SMYD1: variants seen among roughly 807,000 people sequenced by gnomAD.
The protein encoded by SMYD1 is SET and MYND domain containing 1.
SMYD1 carries 49 observed loss-of-function variants against 54.0 expected under a neutral mutation model. That is an observed-to-expected ratio of 0.91 (90% CI 0.72 to 1.15). SMYD1 has a LOEUF of 1.15. Ranked by LOEUF, SMYD1 falls within the 50% of genes most tolerant of loss-of-function variation. SMYD1 has a pLI of 0.00. For missense variants in SMYD1, 653 were observed against 639.6 expected (o/e 1.02, Z -0.23); for synonymous variants, 269 against 234.2 (o/e 1.15, Z -1.36).
At chr2:88,103,969 C>A (rs905022051) in intron 7 of SMYD1, among the ~76,000 whole-genome samples, 10 of 142,280 alleles carry the variant, frequency 7.0e-5, no homozygotes, top group Non-Finnish European at 1.5e-4. Context: ...ATTTCTATTT[C>A]TTTTTTTTTT....
At chr2:88,100,634 T>C (rs538794508) in intron 6 of SMYD1, among the ~76,000 whole-genome samples, 2 of 152,136 alleles carry the variant, frequency 1.3e-5, no homozygotes, top group Non-Finnish European at 2.9e-5. Flanking sequence ...GACATGGGCT[T>C]AATTCCAATA....
At chr2:88,086,695 A>C (rs1002432114) in intron 2 of SMYD1, among the ~76,000 whole-genome samples, 23 of 152,180 alleles carry the variant, frequency 1.5e-4, no homozygotes, top group Non-Finnish European at 3.2e-4. Context: ...TAAGAATACC[A>C]ATACTTATGA....
At chr2:88,103,234 C>G in intron 7 of SMYD1, 84 bp downstream of exon 7, 128 of 727,920 alleles carry the variant, frequency 1.8e-4, no homozygotes, top group South Asian at 2.3e-4. Context: ...GGCGTGAGAA[C>G]GGGCGGCGGG....
At chr2:88,075,501 A>C (rs1179569548) in intron 1 of SMYD1, among the ~76,000 whole-genome samples, 1 of 151,664 alleles carries the variant, frequency 6.6e-6, no homozygotes, top group Non-Finnish European at 1.5e-5. Context: ...GACAATCTCC[A>C]GGCTTGATCC....
At chr2:88,106,590 C>T (rs1260360342) in intron 8 of SMYD1, 102 bp downstream of exon 8, 3 of 1,230,980 alleles carry the variant, frequency 2.4e-6, no homozygotes, top group Non-Finnish European at 3.4e-6. Flanking sequence ...CTCCTATACC[C>T]ACAGCAGGCG....
intron 6 of SMYD1, 108 bp from the exon 7 acceptor site, chr2:88,102,950 A>G: frequency 1.3e-6 from 1 of 784,738 alleles, no homozygotes; most frequent in South Asian, 1.6e-5. Context: ...CAGAATGAGG[A>G]AGACATTAAC....
At chr2:88,107,046 A>C (rs143715422) in intron 8 of SMYD1, among the ~76,000 whole-genome samples, 2,575 of 151,284 alleles carry the variant, frequency 0.017, 40 homozygotes, top group Middle Eastern at 0.034. Context: ...TAAAAAATAC[A>C]AAAAATTAGT....
chr2:88,106,580 C>G lies in SMYD1; in HGVS notation c.1145+92C>G, dbSNP rs1449383891. 12 of 1,351,254 alleles carry G rather than the reference C, an allele frequency of 8.9e-6. No individual in the cohort carries two copies. In the South Asian group the frequency reaches 1.6e-4, roughly 18 times the overall value. 83.7% of individuals were successfully genotyped at this position (1,351,254 alleles called of 1,614,324 possible). A position where few individuals can be genotyped will look rare whatever the true frequency, so the allele number is the denominator to read the frequency against. ...ATGGCACATTTACTGGTGCCTCTCCCTCCTATACCCACAGCAGGCGTCAGT... is the reference window on the plus strand; with the variant it reads ...ATGGCACATTTACTGGTGCCTCTCCGTCCTATACCCACAGCAGGCGTCAGT... On this transcript the variant is annotated intron_variant, in intron 8 of 9. Transcript: ENST00000419482.
intron 2 of SMYD1, among the ~76,000 whole-genome samples, chr2:88,085,046 G>C (rs767727213): frequency 6.6e-6 from 1 of 151,930 alleles, no homozygotes; most frequent in Non-Finnish European, 1.5e-5. Flanking sequence ...CACCATGCCC[G>C]GACAAGGGGC....
In SMYD1 at chr2:88,106,374, C is replaced by T; in HGVS notation, c.1031C>T (p.Ala344Val). ...CTGGAGAAGCAGGAGCCAGTGTTTG[C>T]TGACACCAACATCTACATGCTGCGG... ...ECLEKQEPVFADTNIYMLRML... is the reference protein window; with the variant it reads ...ECLEKQEPVFVDTNIYMLRML... The change falls in exon 8 of 10, where the codon GCT becomes GTT. Residue 344 changes from alanine (A) to valine (V), a missense_variant. By Grantham distance (64) the Ala-to-Val change is moderately conservative (BLOSUM62 0). Transcript: ENST00000419482. 2 of 1,614,188 alleles carry T rather than the reference C, an allele frequency of 1.2e-6. No individual in the cohort carries two copies. Among genetic ancestry groups the T allele is most frequent in the Non-Finnish European group, 8.5e-7 (1 of 1,180,030 alleles).
chr2:88,100,473 A>C (rs567259448), intron 6 of SMYD1, among the ~76,000 whole-genome samples: 5 of 152,218 alleles, frequency 3.3e-5, no homozygotes, highest in Non-Finnish European at 7.3e-5. Context: ...TAGAATTTAC[A>C]GTAGATTAGA....
chr2:88,070,792 A>G (rs1020344014), intron 1 of SMYD1, among the ~76,000 whole-genome samples: 1 of 151,914 alleles, frequency 6.6e-6, no homozygotes, highest in Non-Finnish European at 1.5e-5. Context: ...AAAATACGAA[A>G]ATTAGCCAGG....
intron 8 of SMYD1, 111 bp downstream of exon 8, chr2:88,106,599 C>T (rs997374260): frequency 3.8e-5 from 42 of 1,102,362 alleles, no homozygotes; most frequent in South Asian, 4.7e-5. Context: ...CCACAGCAGG[C>T]GTCAGTAATC....
rs111800051 is a variant in SMYD1 at position 88,103,969 on chromosome 2, C to CT, written c.981+834dup. Among the ~76,000 whole-genome samples the CT allele has an allele frequency of 5.4e-3, 768 of 142,246 alleles. 4 individuals carry two copies. Among genetic ancestry groups the CT allele is most frequent in the African/African-American group, 9.0e-3 (349 of 38,950 alleles). 93.3% of individuals were successfully genotyped at this position (142,246 alleles called of 152,430 possible). A position where few individuals can be genotyped will look rare whatever the true frequency, so the allele number is the denominator to read the frequency against. On this transcript the variant is annotated intron_variant, in intron 7 of 9. Coordinates refer to ENST00000419482, the MANE Select transcript of SMYD1 (RefSeq NM_198274.4). Reference sequence around the variant, plus strand: ...TTTCTATTCATTTCTATTTCTATTTCTTTTTTTTTTTTTTTGAGATGGAGT... The same window carrying CT: ...TTTCTATTCATTTCTATTTCTATTTCTTTTTTTTTTTTTTTTGAGATGGAGT...
chr2:88,106,295 G>T, intron 7 of SMYD1, 30 bp from the exon 8 acceptor site: 1 of 1,611,262 alleles, frequency 6.2e-7, no homozygotes. Context: ...TGGTGCAATG[G>T]TAATGGGCAG....
rs1250527281 is a variant in SMYD1, at chr2:88,084,236, TG to T, written c.138-78del. On this transcript the variant is annotated intron_variant, in intron 1 of 9. Coordinates refer to ENST00000419482, the MANE Select transcript of SMYD1 (RefSeq NM_198274.4). ...AAGGACCAGCCAGCTGAACCAGTACTGGAACACAGGTGTCCCACTGGCTGCA... is the reference window on the plus strand; with the variant it reads ...AAGGACCAGCCAGCTGAACCAGTACTGAACACAGGTGTCCCACTGGCTGCA... The T allele has an allele frequency of 8.7e-5, 109 of 1,258,180 alleles. 1 individual carries two copies. The East Asian group carries it at 2.2e-3, about 26-fold the overall frequency. 77.9% of individuals were successfully genotyped at this position (1,258,180 alleles called of 1,614,324 possible).
At chr2:88,091,513 T>A (rs192437045) in intron 4 of SMYD1, among the ~76,000 whole-genome samples, 225 of 152,242 alleles carry the variant, frequency 1.5e-3, no homozygotes, top group Middle Eastern at 0.01. Flanking sequence ...TAGAATTGAA[T>A]GAAGGGACAA....
At chr2:88,086,822 C>A (rs911305191) in intron 2 of SMYD1, among the ~76,000 whole-genome samples, 47 of 151,302 alleles carry the variant, frequency 3.1e-4, no homozygotes, top group Non-Finnish European at 5.6e-4. Context: ...CTTATCTCTA[C>A]CCATCCCTAT....
intron 4 of SMYD1, 22 bp downstream of exon 4, chr2:88,091,164 G>A: frequency 6.2e-7 from 1 of 1,610,202 alleles, no homozygotes; most frequent in Non-Finnish European, 8.5e-7. Context: ...TTTATGTGGG[G>A]GTGTGTGTGA....
Sources: allele counts gnomAD v4.1 joint callset (sites outside exome capture counted in the v4.1 genomes callset), GRCh38; gene constraint gnomAD v4.1.1; transcripts MANE v1.5; gene names NCBI Gene and HGNC (gene_info 2026-07-23, HGNC 2026-07-21).